Variants in AFF3 observed in about 807,000 individuals in gnomAD.
The protein encoded by AFF3 is ALF transcription elongation factor 3.
In AFF3, 32 loss-of-function variants were observed where a neutral mutation model predicts 129.7. That is an observed-to-expected ratio of 0.25 (90% confidence interval 0.19 to 0.33). The LOEUF (loss-of-function observed/expected upper bound fraction) is 0.33, where lower values mean the gene tolerates loss of function less well. Among genes scored for constraint, AFF3 ranks in the 10% least tolerant of loss-of-function variants. AFF3 has a pLI of 1.00. For missense variants in AFF3, 1,373 were observed against 1,592.0 expected, an observed-to-expected ratio of 0.86 and a Z score of 2.34; for synonymous variants, 644 against 635.4, an observed-to-expected ratio of 1.01 and a Z score of -0.20.
intron 4 of AFF3, among the ~76,000 whole-genome samples, chr2:100,043,139 G>A (rs759265263): frequency 2.0e-5 from 3 of 152,054 alleles, no homozygotes; most frequent in Non-Finnish European, 2.9e-5. Flanking sequence ...CCAGAAACTG[G>A]GACGTGAAAA....
intron 9 of AFF3, among the ~76,000 whole-genome samples, chr2:99,744,650 T>C (rs1680996101): frequency 6.6e-6 from 1 of 152,230 alleles, no homozygotes; most frequent in Non-Finnish European, 1.5e-5. Context: ...ATGTGACCTT[T>C]GTGACTGGCT....
intron 7 of AFF3, among the ~76,000 whole-genome samples, chr2:99,993,172 T>G (rs1680513065): frequency 1.3e-5 from 2 of 152,248 alleles, no homozygotes; most frequent in Admixed American, 1.3e-4. Flanking sequence ...GCTCTTGTCT[T>G]GTATTTAAGC....
intron 20 of AFF3, among the ~76,000 whole-genome samples, chr2:99,562,669 C>G (rs1269113493): frequency 6.6e-6 from 1 of 152,044 alleles, no homozygotes; most frequent in Non-Finnish European, 1.5e-5. Context: ...TTTTTCATGC[C>G]AGTGGTGACT....
chr2:99,778,543 A>G (rs779766542), intron 8 of AFF3, among the ~76,000 whole-genome samples: 1 of 152,188 alleles, frequency 6.6e-6, no homozygotes, highest in Non-Finnish European at 1.5e-5. Flanking sequence ...ATGCTCTTTC[A>G]TGTGAATATC....
intron 4 of AFF3, among the ~76,000 whole-genome samples, chr2:100,028,880 A>T (rs1284200084): frequency 6.6e-6 from 1 of 152,190 alleles, no homozygotes; most frequent in Non-Finnish European, 1.5e-5. Flanking sequence ...AATTAAAAGT[A>T]GAATTATAAT....
intron 7 of AFF3, chr2:100,006,243 A>G (rs1367522423): frequency 6.3e-6 from 1 of 159,422 alleles, no homozygotes; most frequent in African/African-American, 2.4e-5. Flanking sequence ...AAATAGGTAA[A>G]TAGATACTGA....
intron 11 of AFF3, among the ~76,000 whole-genome samples, chr2:99,674,908 G>C (rs1358698256): frequency 6.6e-6 from 1 of 152,170 alleles, no homozygotes; most frequent in Non-Finnish European, 1.5e-5. Flanking sequence ...TCAAGGTAGG[G>C]AATGCAGCTT....
chr2:100,061,923 G>C (rs1351977509), intron 4 of AFF3, among the ~76,000 whole-genome samples: 1 of 151,216 alleles, frequency 6.6e-6, no homozygotes, highest in Non-Finnish European at 1.5e-5. Context: ...CACAGCACTT[G>C]ATATAATTTC....
intron 22 of AFF3, among the ~76,000 whole-genome samples, chr2:99,557,280 T>C (rs981829949): frequency 2.4e-5 from 3 of 123,392 alleles, no homozygotes; most frequent in South Asian, 2.3e-4. Flanking sequence ...TGTGTTTTCC[T>C]TTTTTTTTTT....
At chr2:99,851,822 C>T (rs1690167220) in intron 7 of AFF3, among the ~76,000 whole-genome samples, 1 of 152,170 alleles carries the variant, frequency 6.6e-6, no homozygotes, top group Non-Finnish European at 1.5e-5. Flanking sequence ...GACAACCTGC[C>T]AACACTTCAC....
chr2:100,066,021 G>T (rs1418793908), intron 4 of AFF3, among the ~76,000 whole-genome samples: 2 of 152,150 alleles, frequency 1.3e-5, no homozygotes, highest in Non-Finnish European at 2.9e-5. Context: ...AATGAAGAAG[G>T]CAATTATATA....
At chr2:99,582,136 T>C (rs1490358503) in intron 17 of AFF3, among the ~76,000 whole-genome samples, 3 of 152,208 alleles carry the variant, frequency 2.0e-5, no homozygotes, top group African/African-American at 7.2e-5. Flanking sequence ...ATTACAGGCA[T>C]GAGCCACCAC....
At chr2:99,958,201 G>C (rs902341039) in intron 7 of AFF3, among the ~76,000 whole-genome samples, 1 of 152,052 alleles carries the variant, frequency 6.6e-6, no homozygotes, top group Admixed American at 6.6e-5. Context: ...TCAAAAACTG[G>C]GGGATACAGG....
Position 99,582,889 on chromosome 2 carries a change from C to T in AFF3, c.2702G>A (p.Arg901Gln), listed in dbSNP as rs755975006. The change falls in exon 17 of 25, where the codon CGA (arginine) becomes CAA (glutamine). Residue 901 changes from arginine to glutamine, a missense_variant. Physicochemically the swap from Arg to Gln is conservative, Grantham distance 43 (BLOSUM62 1). Transcript: ENST00000672756. ...YTSEDLTSSSRPNGNSLFTSA... is the reference protein window; with the variant it reads ...YTSEDLTSSSQPNGNSLFTSA... ...AGTAAACAAACTGTTGCCATTAGGTCGGCTGGAAGAAGTTAAGTCCTCGCT... is the reference window on the plus strand; with the variant it reads ...AGTAAACAAACTGTTGCCATTAGGTTGGCTGGAAGAAGTTAAGTCCTCGCT... 7.1e-5 allele frequency: 115 copies of T among 1,613,986 alleles called. No individual in the cohort carries two copies. The highest frequency in any genetic ancestry group is 8.8e-5 in the Non-Finnish European group (104 of 1,180,048).
rs71252505 is a variant in AFF3, at chr2:99,551,153, GGTGT to G, written c.*317_*320del. The G allele has an allele frequency of 0.31, 134,700 of 435,936 alleles. 10,592 individuals are homozygous for G. The highest frequency in any genetic ancestry group is 0.35 in the Non-Finnish European group (87,309 of 246,024). The allele number at this position is 435,936 out of a possible 1,614,324, so 27.0% of individuals were successfully genotyped here. A position where few individuals can be genotyped will look rare whatever the true frequency, so the allele number is the denominator to read the frequency against. On this transcript the variant is annotated 3_prime_UTR_variant, in exon 25 of 25. Coordinates refer to ENST00000672756, the MANE Select transcript of AFF3 (RefSeq NM_001386135.1). ...TGTCTGTGATTGTGTGTGAGTGTAC[GGTGT>G]GTGTGTGTGTGTGTGTGTGTGTGTG...
intron 7 of AFF3, among the ~76,000 whole-genome samples, chr2:99,969,762 T>C (rs1267641816): frequency 1.3e-5 from 2 of 152,072 alleles, no homozygotes; most frequent in African/African-American, 4.8e-5. Context: ...CTTGGCCTCC[T>C]GAAGTGCTGG....
At chr2:99,815,712 T>A (rs1687174394) in intron 8 of AFF3, among the ~76,000 whole-genome samples, 1 of 152,112 alleles carries the variant, frequency 6.6e-6, no homozygotes, top group Non-Finnish European at 1.5e-5. Context: ...AGAGTTTTTT[T>A]TTTTTTTCCT....
At chr2:99,662,701 CTAATGTA>C (rs1686353650) in intron 12 of AFF3, among the ~76,000 whole-genome samples, 1 of 152,180 alleles carries the variant, frequency 6.6e-6, no homozygotes, top group Non-Finnish European at 1.5e-5. Context: ...CAGTTCATTT[CTAATGTA>C]GGAGAAACTT....
intron 7 of AFF3, among the ~76,000 whole-genome samples, chr2:99,928,521 C>T (rs548662772): frequency 1.3e-5 from 2 of 152,280 alleles, no homozygotes; most frequent in South Asian, 2.1e-4. Context: ...TTGTTGTTCT[C>T]GTAAACTTTG....
Sources: gnomAD v4.1 joint callset for allele counts (sites outside exome capture counted in the v4.1 genomes callset) on GRCh38, gnomAD v4.1.1 for gene constraint, MANE v1.5 for transcripts, NCBI Gene and HGNC (gene_info 2026-07-23, HGNC 2026-07-21) for gene names.